Variants in PRDM5 observed in about 807,000 individuals in gnomAD.
PRDM5 encodes PR domain zinc finger protein 5.
PRDM5 carries 56 observed loss-of-function variants against 81.2 expected under a neutral mutation model. The observed-to-expected ratio is 0.69, with a 90% CI of 0.56 to 0.86. The LOEUF is 0.86. Among genes scored for constraint, PRDM5 ranks in the 40% least tolerant of loss-of-function variants. The pLI is 0.00. For synonymous variants in PRDM5, 267 were observed against 256.4 expected, an observed-to-expected ratio of 1.04 and a Z score of -0.39; for missense variants, 697 against 770.1, an observed-to-expected ratio of 0.91 and a Z score of 1.12.
intron 13 of PRDM5, among the ~76,000 whole-genome samples, chr4:120,754,896 T>C (rs945757458): frequency 1.3e-5 from 2 of 152,218 alleles, no homozygotes; most frequent in African/African-American, 4.8e-5. Context: ...CAGTAGCATA[T>C]TTGCTGCATA....
chr4:120,862,781 A>G lies in PRDM5; in HGVS notation c.178-9241T>C, dbSNP rs112522469. 1.4e-3 allele frequency among the ~76,000 whole-genome samples: 210 copies of G among 152,282 alleles called. 5 individuals are homozygous for G. The South Asian group carries it at 0.021, about 16-fold the overall frequency. On this transcript the variant is annotated intron_variant, in intron 2 of 15. Transcript: ENST00000264808. Reference sequence around the variant, plus strand: ...GAGAAGGCATCTATGAGTTTCTAATAAAAATCTTGGGCATTGAATGTTTAA... The same window carrying G: ...GAGAAGGCATCTATGAGTTTCTAATGAAAATCTTGGGCATTGAATGTTTAA...
At chr4:120,720,340 T>C (rs1738415407) in intron 14 of PRDM5, among the ~76,000 whole-genome samples, 1 of 152,106 alleles carries the variant, frequency 6.6e-6, no homozygotes, top group African/African-American at 2.4e-5. Context: ...ATTTTCGGAG[T>C]CCTCCACTTT....
intron 10 of PRDM5, among the ~76,000 whole-genome samples, chr4:120,794,511 T>C (rs1252609410): frequency 1.8e-5 from 2 of 110,074 alleles, no homozygotes; most frequent in Admixed American, 2.2e-4. Context: ...GACTCCAAAA[T>C]CTAACACACA....
At chr4:120,916,098 A>G (rs1724123233) in intron 1 of PRDM5, among the ~76,000 whole-genome samples, 1 of 152,136 alleles carries the variant, frequency 6.6e-6, no homozygotes, top group Non-Finnish European at 1.5e-5. Context: ...AGTTCAAAAT[A>G]AATAAATGGG....
At chr4:120,869,598 A>T (rs1330820243) in intron 2 of PRDM5, among the ~76,000 whole-genome samples, 4 of 152,204 alleles carry the variant, frequency 2.6e-5, no homozygotes, top group African/African-American at 9.7e-5. Flanking sequence ...TTTAGTACAT[A>T]AAAACAACAA....
chr4:120,818,168 A>T, intron 5 of PRDM5, 185 bp downstream of exon 5: 1 of 602,122 alleles, frequency 1.7e-6, no homozygotes, highest in Non-Finnish European at 2.9e-6. Context: ...TAATCAACAT[A>T]CTATACTAAG....
intron 2 of PRDM5, among the ~76,000 whole-genome samples, chr4:120,903,135 C>T (rs945538674): frequency 6.6e-6 from 1 of 152,212 alleles, no homozygotes; most frequent in African/African-American, 2.4e-5. Context: ...GTTCATGTTC[C>T]ATAACCACAA....
rs566230554 is a variant in PRDM5 at position 120,808,147 on chromosome 4, C to A, written c.945+3223G>T. Among the ~76,000 whole-genome samples, 11 of 152,236 alleles carry A rather than the reference C, an allele frequency of 7.2e-5. No individual in the cohort carries two copies. The South Asian group carries it at 2.3e-3, about 32-fold the overall frequency. On this transcript the variant is annotated intron_variant, in intron 8 of 15. Transcript: ENST00000264808. ...TCCACAGTGTGGAAGGGGACCTGAG[C>A]GGGTTGCCACTGCTGGCTGGGGCAG...
At chr4:120,804,016 A>G (rs961074970) in intron 8 of PRDM5, among the ~76,000 whole-genome samples, 1 of 152,218 alleles carries the variant, frequency 6.6e-6, no homozygotes, top group African/African-American at 2.4e-5. Context: ...AAGATCTACC[A>G]AGCAAATGGA....
chr4:120,794,008 A>G (rs1289985328), intron 10 of PRDM5, among the ~76,000 whole-genome samples: 1 of 152,244 alleles, frequency 6.6e-6, no homozygotes, highest in African/African-American at 2.4e-5. Flanking sequence ...CTTAAGAGAA[A>G]GAACAATTAA....
At chr4:120,805,813 AC>A (rs1752830948) in intron 8 of PRDM5, among the ~76,000 whole-genome samples, 1 of 152,184 alleles carries the variant, frequency 6.6e-6, no homozygotes, top group Non-Finnish European at 1.5e-5. Context: ...GCCCTCTCTC[AC>A]CACTCCTATT....
chr4:120,902,859 TGG>T (rs1379145627), intron 2 of PRDM5, among the ~76,000 whole-genome samples: 1 of 151,994 alleles, frequency 6.6e-6, no homozygotes, highest in East Asian at 1.9e-4. Context: ...GAGAGAGAGG[TGG>T]CAGTAGATAT....
intron 2 of PRDM5, among the ~76,000 whole-genome samples, chr4:120,873,939 C>G (rs886946112): frequency 1.3e-5 from 2 of 152,020 alleles, no homozygotes; most frequent in East Asian, 3.9e-4. Context: ...ATTATGTACA[C>G]TTTATTAAAT....
At chr4:120,882,431 A>C (rs935056405) in intron 2 of PRDM5, among the ~76,000 whole-genome samples, 13 of 152,078 alleles carry the variant, frequency 8.5e-5, no homozygotes, top group Admixed American at 5.9e-4. Flanking sequence ...TACAGACGTG[A>C]ACCACCGCAC....
chr4:120,802,212 T>C (rs1325167312), intron 8 of PRDM5, among the ~76,000 whole-genome samples: 3 of 152,326 alleles, frequency 2.0e-5, no homozygotes, highest in East Asian at 1.9e-4. Context: ...ATCTCATTTA[T>C]AGTGAAAAAT....
rs1740954473 is a variant in PRDM5, at chr4:120,735,338, C to A, written c.1623+19215G>T. Among the ~76,000 whole-genome samples, 3 of 152,122 alleles carry A rather than the reference C, an allele frequency of 2.0e-5. No homozygotes were observed. The South Asian group carries it at 6.2e-4, about 32-fold the overall frequency. On this transcript the variant is annotated intron_variant, in intron 14 of 15. Transcript: ENST00000264808. ...GTAAACTAAAAGTTCCTTAAATAAT[C>A]CTTTCAAATGAAACTCTGTCTAAAT... is the stretch of plus-strand genomic sequence containing the variant.
chr4:120,688,372 G>T (rs900271636), downstream of PRDM5, among the ~76,000 whole-genome samples: 8 of 151,582 alleles, frequency 5.3e-5, no homozygotes, highest in Non-Finnish European at 1.2e-4. Flanking sequence ...AACATATTTT[G>T]GATATTAACT....
intron 15 of PRDM5, among the ~76,000 whole-genome samples, chr4:120,698,789 A>G (rs1465021029): frequency 1.3e-5 from 2 of 152,084 alleles, no homozygotes; most frequent in African/African-American, 2.4e-5. Context: ...CTAATCAATT[A>G]CAAAGTTCCA....
intron 1 of PRDM5, among the ~76,000 whole-genome samples, chr4:120,911,481 T>A (rs1350681021): frequency 6.6e-6 from 1 of 152,222 alleles, no homozygotes; most frequent in Non-Finnish European, 1.5e-5. Flanking sequence ...ATAAAGCAGA[T>A]AATTAATCCA....
Sources: allele counts gnomAD v4.1 joint callset (sites outside exome capture counted in the v4.1 genomes callset), GRCh38; gene constraint gnomAD v4.1.1; transcripts MANE v1.5; gene names NCBI Gene and HGNC (gene_info 2026-07-23, HGNC 2026-07-21).